Variants in HLTF observed in about 807,000 individuals in gnomAD.
HLTF encodes DNA-dependent ATPase/E3 ubiquitin-protein ligase HLTF.
In HLTF, 127 loss-of-function variants were observed where a neutral mutation model predicts 129.4. That is an observed-to-expected ratio of 0.98 (90% CI 0.85 to 1.14). The LOEUF (loss-of-function observed/expected upper bound fraction) is 1.14, where lower values mean the gene tolerates loss of function less well. HLTF is among the 50% of genes most tolerant of loss of function. HLTF has a pLI of 0.00. For synonymous variants in HLTF, 332 were observed against 388.8 expected, an observed-to-expected ratio of 0.85 and a Z score of 1.72; for missense variants, 1,139 against 1,187.1, an observed-to-expected ratio of 0.96 and a Z score of 0.60.
intron 14 of HLTF, among the ~76,000 whole-genome samples, chr3:149,053,945 A>C (rs1717206977): frequency 6.6e-6 from 1 of 152,212 alleles, no homozygotes; most frequent in African/African-American, 2.4e-5. Flanking sequence ...GTTTCGTTGG[A>C]ATAAAAAAAT....
intron 2 of HLTF, among the ~76,000 whole-genome samples, chr3:149,078,516 C>T (rs1023848218): frequency 1.3e-5 from 2 of 152,072 alleles, no homozygotes; most frequent in Non-Finnish European, 2.9e-5. Flanking sequence ...CGCCACTGCA[C>T]TCCAGCCTGG....
intron 13 of HLTF, among the ~76,000 whole-genome samples, chr3:149,058,977 A>G (rs187955330): frequency 5.3e-5 from 8 of 152,308 alleles, no homozygotes; most frequent in Non-Finnish European, 1.0e-4. Context: ...TTCTATTCCT[A>G]ATTATCTGAT....
intron 23 of HLTF, 26 bp downstream of exon 23, chr3:149,039,023 C>T: frequency 7.2e-7 from 1 of 1,398,488 alleles, no homozygotes; most frequent in East Asian, 2.6e-5. Context: ...TACTAAGATT[C>T]TGAAAAAATT....
chr3:149,084,432 G>T, intron 2 of HLTF, among the ~76,000 whole-genome samples: 1 of 151,654 alleles, frequency 6.6e-6, no homozygotes. Flanking sequence ...GTGTGGGGGT[G>T]GGGTGCTACC....
chr3:149,068,420 C>T (rs555788642), intron 7 of HLTF, 85 bp from the exon 8 acceptor site: 3 of 617,590 alleles, frequency 4.9e-6, no homozygotes, highest in South Asian at 2.2e-5. Flanking sequence ...ATCAAGTAAT[C>T]GAATATCAAA....
intron 12 of HLTF, among the ~76,000 whole-genome samples, 184 bp downstream of exon 12, chr3:149,060,459 C>T (rs1717832210): frequency 6.6e-6 from 1 of 152,050 alleles, no homozygotes; most frequent in African/African-American, 2.4e-5. Context: ...ACTATTTATT[C>T]ACTTTTCCTC....
rs762131019 is a variant in HLTF, at chr3:149,086,373, C to G, written c.-37G>C. 1 of 1,569,476 alleles carries G rather than the reference C, an allele frequency of 6.4e-7. No homozygotes were observed. Among genetic ancestry groups the G allele is most frequent in the Non-Finnish European group, 8.6e-7 (1 of 1,156,996 alleles). On this transcript the variant is annotated 5_prime_UTR_variant, in exon 1 of 25. Transcript: ENST00000310053. The stretch of plus-strand genomic sequence containing the variant: ...GGATGACAAGAGGAGCGCCTCGGCT[C>G]CCCTGGATCGTTTTCGAGCCGCCTC...
Position 149,032,313 on chromosome 3 carries a change from TTC to T in HLTF, c.2935_2936del (p.Glu979ThrfsTer9), listed in dbSNP as rs770898013. 1.8e-5 allele frequency: 28 copies of T among 1,599,336 alleles called. No homozygotes were observed. In the Admixed American group the frequency reaches 2.4e-4, roughly 14 times the overall value. On this transcript the variant is annotated frameshift_variant, in exon 25 of 25. Transcript: ENST00000310053. LOFTEE classifies it high-confidence loss of function. ...NMLKIQNKKRELAAGAFGTKK... is the reference protein window; with the variant it reads ...NMLKIQNKKRXLAAGAFGTKK... ...TAGTTCCAAAGGCTCCTGCTGCAAG[TTC>T]TCTCTTTTTGTTTTGTATTTTCAGC...
At chr3:149,048,256 T>A in intron 16 of HLTF, 93 bp from the exon 17 acceptor site, 1 of 878,734 alleles carries the variant, frequency 1.1e-6, no homozygotes, top group Admixed American at 2.6e-5. Context: ...CAATTGAAAA[T>A]GGGCACTCTG....
At chr3:149,053,965 C>T (rs1717208864) in intron 14 of HLTF, among the ~76,000 whole-genome samples, 1 of 151,970 alleles carries the variant, frequency 6.6e-6, no homozygotes, top group African/African-American at 2.4e-5. Flanking sequence ...TAGCAACAGA[C>T]CATTAACATT....
At position 149,059,734 on chromosome 3, in the gene HLTF, CT is replaced by C. The variant is rs1559869791; in HGVS notation, c.1358del (p.Lys453ArgfsTer4). On this transcript the variant is annotated frameshift_variant, in exon 13 of 25. Coordinates refer to ENST00000310053, the MANE Select transcript of HLTF (RefSeq NM_003071.4). LOFTEE classifies it high-confidence loss of function. Reference sequence around the variant, plus strand: ...TTTACTGACCCTTTTTCAACATTTTCTTTTTTGTTGTAGGAACAGATGAAGT... The same window carrying C: ...TTTACTGACCCTTTTTCAACATTTTCTTTTTGTTGTAGGAACAGATGAAGT... ...ALTSSVPTTK[K>X]KMLKKGACAV... 1 of 1,591,754 alleles carries C rather than the reference CT, an allele frequency of 6.3e-7. No individual in the cohort carries two copies. Among genetic ancestry groups the C allele is most frequent in the Non-Finnish European group, 8.5e-7 (1 of 1,169,872 alleles).
At chr3:149,072,309 T>C (rs1275118590) in intron 5 of HLTF, among the ~76,000 whole-genome samples, 1 of 152,140 alleles carries the variant, frequency 6.6e-6, no homozygotes, top group South Asian at 2.1e-4. Flanking sequence ...TCCTATAAAA[T>C]GAAAGGGATG....
chr3:149,040,371 A>T, intron 20 of HLTF: 1 of 455,726 alleles, frequency 2.2e-6, no homozygotes, highest in Non-Finnish European at 3.9e-6. Context: ...GAGCAAAAGT[A>T]TGTGATCTGG....
chr3:149,068,197 TA>T, intron 8 of HLTF, 42 bp downstream of exon 8: 1 of 789,830 alleles, frequency 1.3e-6, no homozygotes, highest in Non-Finnish European at 2.1e-6. Flanking sequence ...GATTTCACAA[TA>T]AACTGGAGGT....
chr3:149,076,398 T>C (rs1719357852), intron 2 of HLTF, among the ~76,000 whole-genome samples: 1 of 152,224 alleles, frequency 6.6e-6, no homozygotes, highest in African/African-American at 2.4e-5. Flanking sequence ...TTGGTCTAAG[T>C]ACATTGCACA....
intron 7 of HLTF, 117 bp downstream of exon 7, chr3:149,071,135 A>C: frequency 1.7e-6 from 1 of 587,236 alleles, no homozygotes; most frequent in South Asian, 2.9e-5. Flanking sequence ...CAAAGATAGT[A>C]AGATCTAGTC....
rs1305978029 is a variant in HLTF, at chr3:149,077,271, TA to T, written c.229-1225del. On this transcript the variant is annotated intron_variant, in intron 2 of 24. Coordinates refer to ENST00000310053, the MANE Select transcript of HLTF (RefSeq NM_003071.4). ...CAAAATAAATAAATAAATAAATAAA[TA>T]AATAAATAAATAAATAAATAAAAAT... Among the ~76,000 whole-genome samples, 90 of 150,044 alleles carry T rather than the reference TA, an allele frequency of 6.0e-4. 1 individual carries two copies. The highest frequency in any genetic ancestry group is 7.3e-4 in the African/African-American group (30 of 41,036).
intron 14 of HLTF, among the ~76,000 whole-genome samples, chr3:149,051,448 T>C (rs1450213719): frequency 1.3e-5 from 2 of 152,122 alleles, no homozygotes; most frequent in African/African-American, 4.8e-5. Context: ...ATGAATGAAA[T>C]TTCCTAAAGA....
rs1714988927 is a variant in HLTF at position 149,031,047 on chromosome 3, A to G, written c.*1173T>C. 6.6e-6 allele frequency: 1 copy of G among 152,188 alleles called. No homozygotes were observed. The highest frequency in any genetic ancestry group is 2.1e-4 in the South Asian group (1 of 4,834). 9.4% of individuals were successfully genotyped at this position (152,188 alleles called of 1,614,324 possible). On this transcript the variant is annotated 3_prime_UTR_variant, in exon 25 of 25. Coordinates refer to ENST00000310053, the MANE Select transcript of HLTF (RefSeq NM_003071.4). ...CTTTGGATTAAAGTTTCCCTTTGAA[A>G]TAAAACCACCTACCTAATCTGACTG...
Sources: allele counts gnomAD v4.1 joint callset (sites outside exome capture counted in the v4.1 genomes callset), GRCh38; gene constraint gnomAD v4.1.1; transcripts MANE v1.5; gene names NCBI Gene and HGNC (gene_info 2026-07-23, HGNC 2026-07-21).